MCHR2: variants seen among roughly 807,000 people sequenced by gnomAD.
MCHR2 encodes the protein melanin-concentrating hormone receptor 2.
MCHR2 carries 15 observed loss-of-function variants against 24.8 expected under a neutral mutation model. The ratio of observed to expected loss-of-function variants is 0.60; its 90% CI spans 0.40 to 0.93. The LOEUF is 0.93. MCHR2 is among the 40% of genes least tolerant of loss of function. The probability of loss-of-function intolerance (pLI) is 0.00; values close to 1 mark genes in which losing one functional copy is unlikely to be tolerated. For synonymous variants in MCHR2, 151 were observed against 147.6 expected, an observed-to-expected ratio of 1.02 and a Z score of -0.17; for missense variants, 386 against 408.7, an observed-to-expected ratio of 0.94 and a Z score of 0.48.
At chr6:99,970,555 C>G (rs4629687) in intron 1 of MCHR2, among the ~76,000 whole-genome samples, 1 of 152,008 alleles carries the variant, frequency 6.6e-6, no homozygotes, top group Non-Finnish European at 1.5e-5. Flanking sequence ...TGCAGAAGCT[C>G]TTTAGTTTAA....
chr6:99,925,308 T>A (rs1453120868), intron 5 of MCHR2, among the ~76,000 whole-genome samples: 1 of 152,122 alleles, frequency 6.6e-6, no homozygotes, highest in Admixed American at 6.5e-5. Flanking sequence ...AGTGTGTTTC[T>A]TGAAGGCAAT....
At chr6:99,958,299 C>T (rs1008222782) in intron 1 of MCHR2, among the ~76,000 whole-genome samples, 19 of 149,460 alleles carry the variant, frequency 1.3e-4, no homozygotes, top group Non-Finnish European at 7.4e-5. Context: ...AAACCAATCT[C>T]ACCTATATAA....
At chr6:99,954,948 G>A (rs529332038) in intron 2 of MCHR2, among the ~76,000 whole-genome samples, 1 of 152,194 alleles carries the variant, frequency 6.6e-6, no homozygotes, top group Non-Finnish European at 1.5e-5. Context: ...CCCTTCTGCA[G>A]GATATCTCAT....
intron 1 of MCHR2, among the ~76,000 whole-genome samples, chr6:99,958,178 C>T (rs1389565970): frequency 6.6e-6 from 1 of 151,894 alleles, no homozygotes; most frequent in Non-Finnish European, 1.5e-5. Context: ...CCCAAACAGA[C>T]CCATACATAT....
intron 1 of MCHR2, among the ~76,000 whole-genome samples, chr6:99,990,461 TC>T (rs1054425409): frequency 6.6e-6 from 1 of 152,172 alleles, no homozygotes; most frequent in Non-Finnish European, 1.5e-5. Context: ...GATCAGATAA[TC>T]ATGCCAGAAG....
At chr6:99,980,643 C>T (rs1308460805) in intron 1 of MCHR2, among the ~76,000 whole-genome samples, 16 of 151,912 alleles carry the variant, frequency 1.1e-4, no homozygotes, top group Non-Finnish European at 7.4e-5. Context: ...AAAAAATTTT[C>T]GAGATATAAC....
Position 99,934,430 on chromosome 6 carries a change from C to T in MCHR2, c.675G>A (p.Trp225Ter). Residue 225 changes from tryptophan to a stop codon, truncating the protein, a stop_gained, in exon 5 of 6, where the codon TGG becomes TGA. Coordinates refer to ENST00000281806, the MANE Select transcript of MCHR2 (RefSeq NM_001040179.2). LOFTEE classifies it low-confidence loss of function (END_TRUNC). ...VCYILILCYT[W>*]EMYQQNKDAR... Reference sequence around the variant, plus strand: ...CATCCTTATTCTGTTGATACATCTCCCAAGTATAGCATAAAATTAAAATAT... The same window carrying T: ...CATCCTTATTCTGTTGATACATCTCTCAAGTATAGCATAAAATTAAAATAT... 1 of 1,600,694 alleles carries T rather than the reference C, an allele frequency of 6.2e-7. No individual in the cohort carries two copies. Among genetic ancestry groups the T allele is most frequent in the Non-Finnish European group, 8.5e-7 (1 of 1,175,296 alleles).
chr6:99,943,312 A>T (rs1194884115), intron 3 of MCHR2, among the ~76,000 whole-genome samples, 169 bp from the exon 4 acceptor site: 1 of 150,008 alleles, frequency 6.7e-6, no homozygotes, highest in Non-Finnish European at 1.5e-5. Flanking sequence ...ATTTTTATTT[A>T]TTTTTTTAAA....
rs201865819 is a variant in MCHR2, at chr6:99,947,868, C to G, written c.286G>C (p.Gly96Arg). 1 of 1,613,642 alleles carries G rather than the reference C, an allele frequency of 6.2e-7. No homozygotes were observed. Among genetic ancestry groups the G allele is most frequent in the Non-Finnish European group, 8.5e-7 (1 of 1,179,808 alleles). Residue 96 changes from glycine (G) to arginine (R), a missense_variant, in exon 3 of 6, where the codon GGG (glycine) becomes CGG (arginine). Gly to Arg is a moderately radical substitution (Grantham distance 125). Coordinates refer to ENST00000281806, the MANE Select transcript of MCHR2 (RefSeq NM_001040179.2). ...GGCCCCCCAAACACCCACTCTCCCC[C>G]TCGGGCCCATTGGTGAATAAGAAAA... is the stretch of plus-strand genomic sequence containing the variant. ...MPFLIHQWARGGEWVFGGPLC... is the reference protein window; with the variant it reads ...MPFLIHQWARRGEWVFGGPLC...
chr6:99,975,826 C>T (rs1322309081), intron 1 of MCHR2, among the ~76,000 whole-genome samples: 19 of 152,240 alleles, frequency 1.2e-4, no homozygotes, highest in Admixed American at 1.2e-3. Flanking sequence ...ATAGCTTAAA[C>T]AACTGAACTT....
At chr6:99,975,845 T>C (rs1019315158) in intron 1 of MCHR2, among the ~76,000 whole-genome samples, 6 of 152,352 alleles carry the variant, frequency 3.9e-5, no homozygotes, top group Admixed American at 1.3e-4. Flanking sequence ...TTTATGATAA[T>C]TCTTGACTGA....
intron 5 of MCHR2, among the ~76,000 whole-genome samples, chr6:99,930,301 C>G (rs1469041082): frequency 6.6e-6 from 1 of 152,152 alleles, no homozygotes; most frequent in Non-Finnish European, 1.5e-5. Context: ...TTTGGTGAAT[C>G]TGACTATTAT....
At chr6:99,946,265 A>G (rs1774870342) in intron 3 of MCHR2, among the ~76,000 whole-genome samples, 1 of 152,184 alleles carries the variant, frequency 6.6e-6, no homozygotes, top group Admixed American at 6.5e-5. Flanking sequence ...AGAGCTATGC[A>G]GTATATTGAT....
At chr6:99,974,794 A>T (rs985674503) in intron 1 of MCHR2, among the ~76,000 whole-genome samples, 1 of 152,114 alleles carries the variant, frequency 6.6e-6, no homozygotes, top group African/African-American at 2.4e-5. Flanking sequence ...CTCAGCTGCA[A>T]GTCTGTTGGA....
intron 1 of MCHR2, among the ~76,000 whole-genome samples, chr6:99,979,644 G>A (rs1441768588): frequency 6.6e-6 from 1 of 152,064 alleles, no homozygotes; most frequent in Non-Finnish European, 1.5e-5. Context: ...ACTTTTTAAT[G>A]TGGCTACTAA....
intron 2 of MCHR2, among the ~76,000 whole-genome samples, chr6:99,950,738 G>A (rs1432095626): frequency 6.6e-6 from 1 of 152,064 alleles, no homozygotes; most frequent in Non-Finnish European, 1.5e-5. Flanking sequence ...CATCTATTTG[G>A]TAGTAGTATG....
In MCHR2 at chr6:99,918,970, A is replaced by G. The variant is rs1315646694; in HGVS notation, c.*1970T>C. 6.6e-6 allele frequency among the ~76,000 whole-genome samples: 1 copy of G among 152,200 alleles called. No individual in the cohort carries two copies. The highest frequency in any genetic ancestry group is 1.5e-5 in the Non-Finnish European group (1 of 68,030). On this transcript the variant is annotated 3_prime_UTR_variant, in exon 6 of 6. Transcript: ENST00000281806. Reference sequence around the variant, plus strand: ...AATCATAATATTTTTCTGTATTAAAAAAACAATGAAAGTAAGCAATTGCTC... The same window carrying G: ...AATCATAATATTTTTCTGTATTAAAGAAACAATGAAAGTAAGCAATTGCTC...
Position 99,947,834 on chromosome 6 carries a change from G to A in MCHR2, c.320C>T (p.Thr107Ile), listed in dbSNP as rs1461018054. 1 of 1,613,800 alleles carries A rather than the reference G, an allele frequency of 6.2e-7. No individual in the cohort carries two copies. Among genetic ancestry groups the A allele is most frequent in the African/African-American group, 1.3e-5 (1 of 75,004 alleles). The change falls in exon 3 of 6, where the codon ACC becomes ATC. Residue 107 changes from threonine to isoleucine, a missense_variant. By Grantham distance (89) the Thr-to-Ile change is moderately conservative. Coordinates refer to ENST00000281806, the MANE Select transcript of MCHR2 (RefSeq NM_001040179.2). ...ACAAGTATCCAGGGATGTGATGATG[G>A]TGCAGAGAGGCCCCCCAAACACCCA... ...GEWVFGGPLC[T>I]IITSLDTCNQ...
At chr6:99,952,580 A>T (rs1275114019) in intron 2 of MCHR2, among the ~76,000 whole-genome samples, 1 of 151,484 alleles carries the variant, frequency 6.6e-6, no homozygotes, top group African/African-American at 2.4e-5. Flanking sequence ...ATTTTATTTA[A>T]TTCACCTGTC....
Sources: gnomAD v4.1 joint callset for allele counts (sites outside exome capture counted in the v4.1 genomes callset) on GRCh38, gnomAD v4.1.1 for gene constraint, MANE v1.5 for transcripts, NCBI Gene and HGNC (gene_info 2026-07-23, HGNC 2026-07-21) for gene names.